COG6: variants seen among roughly 807,000 people sequenced by gnomAD.
COG6 encodes the protein conserved oligomeric Golgi complex subunit 6.
In COG6, 74 loss-of-function variants were observed where a neutral mutation model predicts 88.8. That is an observed-to-expected ratio of 0.83 (90% CI 0.69 to 1.01). The LOEUF (loss-of-function observed/expected upper bound fraction) is 1.01, where lower values mean the gene tolerates loss of function less well. COG6 is among the 50% of genes least tolerant of loss of function. COG6 has a pLI of 0.00. For synonymous variants in COG6, 286 were observed against 278.7 expected (o/e 1.03, Z -0.26); for missense variants, 800 against 797.9 (o/e 1.00, Z -0.03).
chr13:39,710,752 C>G (rs1216903467), intron 13 of COG6, among the ~76,000 whole-genome samples: 1 of 151,930 alleles, frequency 6.6e-6, no homozygotes, highest in Non-Finnish European at 1.5e-5. Flanking sequence ...AACTATTGTT[C>G]CTACTCCCTT....
Position 39,752,353 on chromosome 13 carries a change from T to C in COG6, c.*1260T>C, listed in dbSNP as rs746528166. The C allele has an allele frequency of 4.5e-6, 4 of 879,624 alleles. No homozygotes were observed. In the South Asian group the frequency reaches 4.7e-5, roughly 10 times the overall value. The allele number at this position is 879,624 out of a possible 1,614,324, so 54.5% of individuals were successfully genotyped here. ...TGACCTATTTATCTGAAGTTTATAA[T>C]TGTTTATACCTAATACAGTTCTTTT... On this transcript the variant is annotated 3_prime_UTR_variant, in exon 19 of 19. Coordinates refer to ENST00000455146, the MANE Select transcript of COG6 (RefSeq NM_020751.3).
chr13:39,669,584 G>C (rs1213125815), intron 4 of COG6, among the ~76,000 whole-genome samples: 6 of 152,090 alleles, frequency 3.9e-5, no homozygotes, highest in Non-Finnish European at 8.8e-5. Context: ...AATAATTTTT[G>C]AGTAAATGAA....
downstream of COG6, among the ~76,000 whole-genome samples, chr13:39,755,979 A>G (rs184117849): frequency 1.3e-5 from 2 of 152,350 alleles, no homozygotes; most frequent in East Asian, 1.9e-4. Context: ...GGGTGGGGCA[A>G]GAGAATCTAA....
intron 18 of COG6, among the ~76,000 whole-genome samples, chr13:39,773,328 A>G (rs1881370242): frequency 6.6e-6 from 1 of 152,250 alleles, no homozygotes; most frequent in African/African-American, 2.4e-5. Context: ...GTGTGAGGGG[A>G]AAGATCTTTA....
chr13:39,709,895 C>G (rs929133202), intron 13 of COG6, among the ~76,000 whole-genome samples: 2 of 152,132 alleles, frequency 1.3e-5, no homozygotes, highest in Non-Finnish European at 2.9e-5. Context: ...TCCATTCCCA[C>G]TGCAGTGAAG....
At chr13:39,788,403 G>C (rs1881840831) in exon 19 of COG6, 1 of 1,543,290 alleles carries the variant, frequency 6.5e-7, no homozygotes. Context: ...AGCCATTCCA[G>C]TTGTGGGAGG....
chr13:39,730,773 C>CAAAAAAAAAAAAAAAAAAA lies in COG6; in HGVS notation c.1826+3233_1826+3251dup, dbSNP rs569292449. On this transcript the variant is annotated intron_variant, in intron 18 of 18. Coordinates refer to ENST00000455146, the MANE Select transcript of COG6 (RefSeq NM_020751.3). ...TGGGCGACAGAGCAAGACTCCATCT[C>CAAAAAAAAAAAAAAAAAAA]AAAAAAAAAAAAAAAAAAAAAAAAA... is the stretch of plus-strand genomic sequence containing the variant. 2.4e-3 allele frequency among the ~76,000 whole-genome samples: 94 copies of CAAAAAAAAAAAAAAAAAAA among 39,468 alleles called. 2 individuals carry two copies. Among genetic ancestry groups the CAAAAAAAAAAAAAAAAAAA allele is most frequent in the Non-Finnish European group, 3.1e-3 (68 of 22,020 alleles). The allele number at this position is 39,468 out of a possible 152,430, so 25.9% of individuals were successfully genotyped here. A position where few individuals can be genotyped will look rare whatever the true frequency, so the allele number is the denominator to read the frequency against.
chr13:39,769,966 C>T (rs1016328354), intron 18 of COG6, among the ~76,000 whole-genome samples: 3 of 152,238 alleles, frequency 2.0e-5, no homozygotes, highest in Middle Eastern at 6.8e-3. Flanking sequence ...ATTACCCAGT[C>T]GAAGGTATTT....
rs546620468 is a variant in COG6, at chr13:39,724,542, T to G, written c.1727T>G (p.Val576Gly). The change falls in exon 17 of 19, where the codon GTG (valine) becomes GGG (glycine). Residue 576 changes from valine (V) to glycine (G), a missense_variant. By Grantham distance (109) the Val-to-Gly change is moderately radical (BLOSUM62 -3). Coordinates refer to ENST00000455146, the MANE Select transcript of COG6 (RefSeq NM_020751.3). ...SLANMPNLDS[V>G]TLKAAMVQFD... ...GCTAATATGCCCAACCTAGATTCTG[T>G]GACACTGAAGGCTGCAATGGTAAGT... 6.2e-7 allele frequency: 1 copy of G among 1,601,798 alleles called. No individual in the cohort carries two copies. Among genetic ancestry groups the G allele is most frequent in the African/African-American group, 1.3e-5 (1 of 74,300 alleles).
intron 13 of COG6, among the ~76,000 whole-genome samples, chr13:39,706,235 TTATA>T (rs372468879): frequency 1.9e-5 from 2 of 106,452 alleles, no homozygotes; most frequent in Non-Finnish European, 4.1e-5. Flanking sequence ...ATATACTCCT[TTATA>T]TATATATATA....
intron 18 of COG6, among the ~76,000 whole-genome samples, chr13:39,783,389 T>A (rs1881684931): frequency 6.6e-6 from 1 of 152,216 alleles, no homozygotes; most frequent in South Asian, 2.1e-4. Flanking sequence ...AAGCCTGGAT[T>A]TTTTAGTTAC....
chr13:39,751,059 G>T lies in COG6; in HGVS notation c.1940G>T (p.Arg647Leu). 4 of 1,613,660 alleles carry T rather than the reference G, an allele frequency of 2.5e-6. No individual in the cohort carries two copies. The highest frequency in any genetic ancestry group is 3.4e-6 in the Non-Finnish European group (4 of 1,179,778). ...AAAGATCCAGAGAACATTCTTCACC[G>T]ATCGCCGCAGCAAGTGCAGACGCTT... Reference protein sequence around the residue: ...EYKDPENILHRSPQQVQTLLS With the variant: ...EYKDPENILHLSPQQVQTLLS The change falls in exon 19 of 19, where the codon CGA becomes CTA. Residue 647 changes from arginine (R) to leucine (L), a missense_variant. Transcript: ENST00000455146.
At chr13:39,690,183 A>G (rs1162905922) in intron 11 of COG6, among the ~76,000 whole-genome samples, 1 of 152,042 alleles carries the variant, frequency 6.6e-6, no homozygotes, top group Admixed American at 6.6e-5. Flanking sequence ...TGCTTCAAGC[A>G]TAGAAGAGTT....
intron 18 of COG6, among the ~76,000 whole-genome samples, chr13:39,729,395 A>T (rs763978756): frequency 6.6e-6 from 1 of 152,258 alleles, no homozygotes; most frequent in Non-Finnish European, 1.5e-5. Flanking sequence ...ACAGATGGAC[A>T]GATTTGGCTC....
At chr13:39,759,051 A>T (rs1305807397) in intron 18 of COG6, among the ~76,000 whole-genome samples, 1 of 152,202 alleles carries the variant, frequency 6.6e-6, no homozygotes, top group Non-Finnish European at 1.5e-5. Flanking sequence ...GTAGATTAGC[A>T]GTTTCCAGGG....
At chr13:39,664,239 T>G (rs1340511464) in intron 3 of COG6, 1 of 154,188 alleles carries the variant, frequency 6.5e-6, no homozygotes, top group African/African-American at 2.4e-5. Flanking sequence ...ATTTTCTCTT[T>G]AACAGACTGA....
chr13:39,720,694 A>G (rs1878804982), intron 15 of COG6, among the ~76,000 whole-genome samples: 1 of 151,942 alleles, frequency 6.6e-6, no homozygotes, highest in Non-Finnish European at 1.5e-5. Context: ...CAAAAGCACA[A>G]TTTCTTTCAG....
intron 1 of COG6, among the ~76,000 whole-genome samples, chr13:39,658,978 A>G (rs1874708498): frequency 6.6e-6 from 1 of 152,230 alleles, no homozygotes; most frequent in Non-Finnish European, 1.5e-5. Context: ...TGGTATTACA[A>G]CTGTTTCTAT....
At chr13:39,740,029 G>T (rs1879965097) in intron 18 of COG6, among the ~76,000 whole-genome samples, 1 of 152,022 alleles carries the variant, frequency 6.6e-6, no homozygotes, top group Non-Finnish European at 1.5e-5. Flanking sequence ...TTGTTTCCTA[G>T]AAATAAATTT....
Sources: allele counts gnomAD v4.1 joint callset (sites outside exome capture counted in the v4.1 genomes callset), GRCh38; gene constraint gnomAD v4.1.1; transcripts MANE v1.5; gene names NCBI Gene and HGNC (gene_info 2026-07-23, HGNC 2026-07-21).